The following USP45 variants were observed in gnomAD, a reference collection of about 807,000 sequenced individuals.
USP45 encodes the protein ubiquitin specific peptidase 45.
In USP45, 89 loss-of-function variants were observed where a neutral mutation model predicts 95.8. The observed-to-expected ratio is 0.93, with a 90% CI of 0.78 to 1.11. The LOEUF is 1.11. Among genes scored for constraint, USP45 ranks in the 50% least tolerant of loss-of-function variants. The pLI, the probability that USP45 is intolerant of heterozygous loss-of-function variation, is 0.00. For synonymous variants in USP45, 281 were observed against 316.2 expected (o/e 0.89, Z 1.18); for missense variants, 898 against 942.5 (o/e 0.95, Z 0.62).
At chr6:99,459,667 A>T (rs1479614699) in intron 13 of USP45, among the ~76,000 whole-genome samples, 7 of 152,152 alleles carry the variant, frequency 4.6e-5, no homozygotes, top group Non-Finnish European at 1.0e-4. Flanking sequence ...TTTTAATAAT[A>T]GCATTCTGAC....
rs1024351925 is a variant in USP45 at position 99,432,834 on chromosome 6, T to A, written c.*2882A>T. The A allele has an allele frequency of 6.5e-6, 1 of 152,672 alleles. No homozygotes were observed. The highest frequency in any genetic ancestry group is 1.5e-5 in the Non-Finnish European group (1 of 68,036). The allele number at this position is 152,672 out of a possible 1,614,324, so 9.5% of individuals were successfully genotyped here. On this transcript the variant is annotated 3_prime_UTR_variant, in exon 18 of 18. Transcript: ENST00000500704. ...GATGAGGGTTGATACATTTCACAGC[T>A]TAATCTTCAGAAAATTTTCTTCAGC...
intron 9 of USP45, among the ~76,000 whole-genome samples, chr6:99,471,725 A>T (rs1048205599): frequency 6.6e-6 from 1 of 152,218 alleles, no homozygotes; most frequent in Non-Finnish European, 1.5e-5. Flanking sequence ...AAAGGAGGTC[A>T]GTAGTTTTTC....
At chr6:99,453,668 A>G (rs142493184) in intron 13 of USP45, among the ~76,000 whole-genome samples, 66 of 152,304 alleles carry the variant, frequency 4.3e-4, no homozygotes, top group Middle Eastern at 3.4e-3. Flanking sequence ...TAAAATATGT[A>G]TGGAACCTGG....
intron 5 of USP45, among the ~76,000 whole-genome samples, chr6:99,489,803 T>A (rs1376343436): frequency 1.3e-5 from 2 of 151,828 alleles, no homozygotes; most frequent in African/African-American, 4.8e-5. Context: ...AAAAATTAGC[T>A]GGGCGTGGTG....
chr6:99,460,120 TCTC>T (rs1220138548), intron 13 of USP45, among the ~76,000 whole-genome samples: 1 of 152,208 alleles, frequency 6.6e-6, no homozygotes, highest in South Asian at 2.1e-4. Context: ...TGGTTTTATT[TCTC>T]CTTTTTTCCT....
At chr6:99,473,457 G>A (rs537037855) in intron 9 of USP45, among the ~76,000 whole-genome samples, 1 of 152,202 alleles carries the variant, frequency 6.6e-6, no homozygotes, top group East Asian at 1.9e-4. Context: ...TGAGGCAGGA[G>A]AATCACTTGA....
chr6:99,456,729 C>A (rs932596511), intron 13 of USP45, among the ~76,000 whole-genome samples: 2 of 152,090 alleles, frequency 1.3e-5, no homozygotes, highest in African/African-American at 4.8e-5. Context: ...GTTAACTGCA[C>A]AAATTGTACA....
intron 13 of USP45, among the ~76,000 whole-genome samples, chr6:99,449,699 G>A (rs1038781651): frequency 2.0e-5 from 3 of 152,192 alleles, no homozygotes; most frequent in African/African-American, 7.2e-5. Flanking sequence ...GACATGAACA[G>A]AACTCTCCAC....
intron 13 of USP45, among the ~76,000 whole-genome samples, chr6:99,454,494 G>A (rs1438514502): frequency 6.6e-6 from 1 of 152,096 alleles, no homozygotes; most frequent in Non-Finnish European, 1.5e-5. Context: ...ACAATCAACA[G>A]AATGAAGAGA....
upstream of USP45, among the ~76,000 whole-genome samples, chr6:99,517,680 C>T (rs1481515933): frequency 6.6e-6 from 1 of 150,900 alleles, no homozygotes; most frequent in Non-Finnish European, 1.5e-5. Context: ...TGACCTCAAG[C>T]AATCCATCTG....
intron 13 of USP45, among the ~76,000 whole-genome samples, chr6:99,453,422 A>G (rs530481572): frequency 6.6e-6 from 1 of 152,118 alleles, no homozygotes; most frequent in East Asian, 1.9e-4. Context: ...CAATGGCTAC[A>G]AAAGAAAAAA....
intron 13 of USP45, among the ~76,000 whole-genome samples, chr6:99,451,364 A>G (rs1783802978): frequency 6.6e-6 from 1 of 152,236 alleles, no homozygotes; most frequent in Admixed American, 6.5e-5. Context: ...ACGTGCAAAA[A>G]TCACAAGCAT....
chr6:99,465,139 TA>T lies in USP45; in HGVS notation c.1108-4del. 6.3e-7 allele frequency: 1 copy of T among 1,591,054 alleles called. No homozygotes were observed. The highest frequency in any genetic ancestry group is 8.6e-7 in the Non-Finnish European group (1 of 1,166,012). ...AATGGATCTTTCACCGTGGAGATCT[TA>T]AAAGGAAAACACATTGAAAACTTCA... On this transcript the variant is annotated splice_region_variant and splice_polypyrimidine_tract_variant and intron_variant, in intron 11 of 17. Coordinates refer to ENST00000500704, the MANE Select transcript of USP45 (RefSeq NM_001346022.3).
At chr6:99,516,732 A>G (rs1487052148), upstream of USP45, among the ~76,000 whole-genome samples, 1 of 152,228 alleles carries the variant, frequency 6.6e-6, no homozygotes, top group Non-Finnish European at 1.5e-5. Flanking sequence ...TACTTCATAA[A>G]TCAAAAGCTT....
chr6:99,511,843 GTGTATATATATATA>G (rs1439443581), intron 1 of USP45, among the ~76,000 whole-genome samples: 12 of 4,988 alleles, frequency 2.4e-3, no homozygotes, highest in South Asian at 0.018. Context: ...ATGTGAGTGT[GTGTATATATATATA>G]TATATATATA....
At position 99,501,791 on chromosome 6, in the gene USP45, T is replaced by C. The variant is rs546033693; in HGVS notation, c.478+1974A>G. The C allele has an allele frequency of 1.2e-4, 66 of 555,508 alleles. No individual in the cohort carries two copies. In the South Asian group the frequency reaches 1.5e-3, roughly 13 times the overall value. 34.4% of individuals were successfully genotyped at this position (555,508 alleles called of 1,614,324 possible). A position where few individuals can be genotyped will look rare whatever the true frequency, so the allele number is the denominator to read the frequency against. Reference sequence around the variant, plus strand: ...ACAAAGTATACAATAACAAAATACATAATACATTACTGTTATATAATAAAG... The same window carrying C: ...ACAAAGTATACAATAACAAAATACACAATACATTACTGTTATATAATAAAG... On this transcript the variant is annotated intron_variant, in intron 5 of 17. Coordinates refer to ENST00000500704, the MANE Select transcript of USP45 (RefSeq NM_001346022.3).
At chr6:99,445,629 C>G (rs1404291454) in intron 14 of USP45, among the ~76,000 whole-genome samples, 168 bp downstream of exon 14, 1 of 152,074 alleles carries the variant, frequency 6.6e-6, no homozygotes, top group Non-Finnish European at 1.5e-5. Flanking sequence ...ACTTGAAAAT[C>G]TGTTCTGCCC....
In USP45 at chr6:99,445,884, T is replaced by C. The variant is rs758976217; in HGVS notation, c.1888A>G (p.Met630Val). ...IQSCLYQFTS[M>V]ELLMGNNKLL... Reference sequence around the variant, plus strand: ...TTATTATTCCCCATTAGTAATTCCATAGATGTAAACTGGTAGAGACAGGAC... The same window carrying C: ...TTATTATTCCCCATTAGTAATTCCACAGATGTAAACTGGTAGAGACAGGAC... Residue 630 changes from methionine (M) to valine (V), a missense_variant, in exon 14 of 18, where the codon ATG becomes GTG. Physicochemically the swap from Met to Val is conservative, Grantham distance 21. Transcript: ENST00000500704. 10 of 1,613,064 alleles carry C rather than the reference T, an allele frequency of 6.2e-6. 1 individual carries two copies. In the South Asian group the frequency reaches 9.9e-5, roughly 16 times the overall value.
chr6:99,503,717 G>T, intron 5 of USP45, 48 bp downstream of exon 5: 2 of 1,257,818 alleles, frequency 1.6e-6, no homozygotes, highest in African/African-American at 1.5e-5. Flanking sequence ...AACTCTATAT[G>T]AAATACTGTA....
Sources: gnomAD v4.1 joint callset for allele counts (sites outside exome capture counted in the v4.1 genomes callset) on GRCh38, gnomAD v4.1.1 for gene constraint, MANE v1.5 for transcripts, NCBI Gene and HGNC (gene_info 2026-07-23, HGNC 2026-07-21) for gene names.